The following MPV17L variants were observed in gnomAD, a reference collection of about 807,000 sequenced individuals.
MPV17L encodes the protein mpv17-like protein.
In MPV17L, 24 loss-of-function variants were observed where a neutral mutation model predicts 25.8. That is an observed-to-expected ratio of 0.93 (90% CI 0.67 to 1.31). The LOEUF (loss-of-function observed/expected upper bound fraction) is 1.31. Among genes scored for constraint, MPV17L ranks in the 50% most tolerant of loss-of-function variants. The pLI is 0.00. For synonymous variants in MPV17L, 102 were observed against 115.3 expected, an observed-to-expected ratio of 0.88 and a Z score of 0.74; for missense variants, 250 against 265.6, an observed-to-expected ratio of 0.94 and a Z score of 0.41.
chr16:15,405,668 A>G (rs1285973394), intron 2 of MPV17L, among the ~76,000 whole-genome samples: 1 of 151,434 alleles, frequency 6.6e-6, no homozygotes, highest in Non-Finnish European at 1.5e-5. Flanking sequence ...GCTGGTCTCA[A>G]ACTCACGACT....
At position 15,411,964 on chromosome 16, in the gene MPV17L, T is replaced by C. The variant is rs571660192; in HGVS notation, c.*3852T>C. On this transcript the variant is annotated 3_prime_UTR_variant, in exon 4 of 4. Transcript: ENST00000396385. ...ATTTCCACTGATCACCCTTTAGCTT[T>C]AAATAATGCAGAAGCATATGCCCAG... is the stretch of plus-strand genomic sequence containing the variant. 6.6e-6 allele frequency: 1 copy of C among 152,324 alleles called. No homozygotes were observed. The highest frequency in any genetic ancestry group is 2.1e-4 in the South Asian group (1 of 4,828). The allele number at this position is 152,324 out of a possible 1,614,324, so 9.4% of individuals were successfully genotyped here.
At chr16:15,405,915 A>G (rs2050676805) in intron 2 of MPV17L, among the ~76,000 whole-genome samples, 1 of 149,914 alleles carries the variant, frequency 6.7e-6, no homozygotes, top group Admixed American at 6.7e-5. Flanking sequence ...ATGGCCGGGC[A>G]TGGTGGCTCA....
intron 1 of MPV17L, among the ~76,000 whole-genome samples, chr16:15,399,036 G>C (rs2050611566): frequency 6.6e-6 from 1 of 150,472 alleles, no homozygotes; most frequent in South Asian, 2.2e-4. Context: ...GCTACCTTGG[G>C]GAACCAGAGT....
rs2050716786 is a variant in MPV17L, at chr16:15,409,753, T to G, written c.*1641T>G. The G allele has an allele frequency of 6.6e-6, 1 of 152,240 alleles. No homozygotes were observed. The highest frequency in any genetic ancestry group is 2.1e-4 in the South Asian group (1 of 4,834). The allele number at this position is 152,240 out of a possible 1,614,324, so 9.4% of individuals were successfully genotyped here. On this transcript the variant is annotated 3_prime_UTR_variant, in exon 4 of 4. Coordinates refer to ENST00000396385, the MANE Select transcript of MPV17L (RefSeq NM_001128423.2). ...GTCTCCAACTCCTGGCCTCAACTGATCCACTCTCATTGGCCTCCCAAGGTG... is the reference window on the plus strand; with the variant it reads ...GTCTCCAACTCCTGGCCTCAACTGAGCCACTCTCATTGGCCTCCCAAGGTG...
intron 2 of MPV17L, among the ~76,000 whole-genome samples, chr16:15,401,058 GTA>G (rs548012835): frequency 0.012 from 517 of 44,204 alleles, 57 homozygotes; most frequent in Middle Eastern, 0.067. Context: ...ATGTGTGTGT[GTA>G]TATATATATA....
At chr16:15,401,061 T>TAC (rs2050631410) in intron 2 of MPV17L, among the ~76,000 whole-genome samples, 1 of 39,234 alleles carries the variant, frequency 2.5e-5, no homozygotes, top group African/African-American at 1.1e-4. Context: ...TGTGTGTGTA[T>TAC]ATATATATAT....
At position 15,396,218 on chromosome 16, in the gene MPV17L, G is replaced by A. The variant is rs1477682303; in HGVS notation, c.310+11G>A. The A allele has an allele frequency of 3.9e-6, 6 of 1,547,448 alleles. No homozygotes were observed. The highest frequency in any genetic ancestry group is 2.4e-5 in the East Asian group (1 of 40,960). ...CGGCCTTCTATGTCGGTGAGGGGCC[G>A]GGAGGGGACCTGGGGGGTGGGACCC... On this transcript the variant is annotated intron_variant, in intron 1 of 3. Coordinates refer to ENST00000396385, the MANE Select transcript of MPV17L (RefSeq NM_001128423.2).
chr16:15,407,088 T>A (rs577927290), intron 2 of MPV17L, among the ~76,000 whole-genome samples: 20 of 150,908 alleles, frequency 1.3e-4, no homozygotes, highest in African/African-American at 2.7e-4. Context: ...AAAATTAATT[T>A]AAAAAAAAAG....
intron 1 of MPV17L, among the ~76,000 whole-genome samples, 185 bp from the exon 2 acceptor site, chr16:15,400,602 G>T (rs1347736074): frequency 5.9e-5 from 9 of 151,898 alleles, no homozygotes; most frequent in Admixed American, 5.9e-4. Flanking sequence ...TGCCTGCCTC[G>T]GCCTCCCGTT....
At chr16:15,396,796 C>G (rs1438346372) in intron 1 of MPV17L, among the ~76,000 whole-genome samples, 1 of 152,096 alleles carries the variant, frequency 6.6e-6, no homozygotes, top group Non-Finnish European at 1.5e-5. Flanking sequence ...GCCCAGGGGC[C>G]TAGTCCTGGT....
At position 15,411,529 on chromosome 16, in the gene MPV17L, C is replaced by G. The variant is rs1208794056; in HGVS notation, c.*3417C>G. Reference sequence around the variant, plus strand: ...AGCATGGTGGTGTGAGCCTGTAGTCCCAGCTACTTGGAAGACTCATGCAGG... The same window carrying G: ...AGCATGGTGGTGTGAGCCTGTAGTCGCAGCTACTTGGAAGACTCATGCAGG... On this transcript the variant is annotated 3_prime_UTR_variant, in exon 4 of 4. Transcript: ENST00000396385. 6.6e-6 allele frequency: 1 copy of G among 152,028 alleles called. No individual in the cohort carries two copies. Among genetic ancestry groups the G allele is most frequent in the Non-Finnish European group, 1.5e-5 (1 of 68,034 alleles). 9.4% of individuals were successfully genotyped at this position (152,028 alleles called of 1,614,324 possible). A position where few individuals can be genotyped will look rare whatever the true frequency, so the allele number is the denominator to read the frequency against.
In MPV17L at chr16:15,413,131, T is replaced by A. The variant is rs1183739404; in HGVS notation, c.*5019T>A. 3.3e-5 allele frequency: 5 copies of A among 152,194 alleles called. No homozygotes were observed. Among genetic ancestry groups the A allele is most frequent in the Non-Finnish European group, 7.3e-5 (5 of 68,042 alleles). 9.4% of individuals were successfully genotyped at this position (152,194 alleles called of 1,614,324 possible). A position where few individuals can be genotyped will look rare whatever the true frequency, so the allele number is the denominator to read the frequency against. On this transcript the variant is annotated 3_prime_UTR_variant, in exon 4 of 4. Transcript: ENST00000396385. The stretch of plus-strand genomic sequence containing the variant: ...AGGCAGCTTTCATTTGAAATTAGGT[T>A]CATCTTCTGAGAGTATTAAAAAGTT...
rs2050628117 is a variant in MPV17L, at chr16:15,400,837, AAATTCTGGAATACCTATCTGG to A, written c.362_381+1del. The A allele has an allele frequency of 6.2e-7, 1 of 1,604,788 alleles. No homozygotes were observed. Among genetic ancestry groups the A allele is most frequent in the Non-Finnish European group, 8.5e-7 (1 of 1,175,466 alleles). On this transcript the variant is annotated splice_donor_variant and coding_sequence_variant, in exon 2 of 4. Coordinates refer to ENST00000396385, the MANE Select transcript of MPV17L (RefSeq NM_001128423.2). LOFTEE classifies it high-confidence loss of function. The stretch of plus-strand genomic sequence containing the variant: ...TGACATATTTTTGGACCTGAAACAG[AAATTCTGGAATACCTATCTGG>A]TAAGATAGGCGTTTGAAAATGTAAT...
chr16:15,396,220 G>A lies in MPV17L; in HGVS notation c.310+13G>A. 1.9e-6 allele frequency: 3 copies of A among 1,547,280 alleles called. No homozygotes were observed. Among genetic ancestry groups the A allele is most frequent in the South Asian group, 2.4e-5 (2 of 83,828 alleles). On this transcript the variant is annotated intron_variant, in intron 1 of 3. Transcript: ENST00000396385. Reference sequence around the variant, plus strand: ...GCCTTCTATGTCGGTGAGGGGCCGGGAGGGGACCTGGGGGGTGGGACCCAG... The same window carrying A: ...GCCTTCTATGTCGGTGAGGGGCCGGAAGGGGACCTGGGGGGTGGGACCCAG...
intron 2 of MPV17L, among the ~76,000 whole-genome samples, chr16:15,403,221 T>C (rs1268601518): frequency 6.6e-6 from 1 of 151,544 alleles, no homozygotes; most frequent in African/African-American, 2.4e-5. Context: ...TACAACAAAT[T>C]AGCAGGGCAT....
rs1371794897 is a variant in MPV17L at position 15,410,681 on chromosome 16, G to C, written c.*2569G>C. The C allele has an allele frequency of 6.6e-6, 1 of 152,136 alleles. No homozygotes were observed. Among genetic ancestry groups the C allele is most frequent in the Non-Finnish European group, 1.5e-5 (1 of 68,032 alleles). The allele number at this position is 152,136 out of a possible 1,614,324, so 9.4% of individuals were successfully genotyped here. ...ATTTATCCTGAGAATGTATATTTAA[G>C]CTTAATTTAAGACTATATACCTAAA... On this transcript the variant is annotated 3_prime_UTR_variant, in exon 4 of 4. Transcript: ENST00000396385.
rs889508490 is a variant in MPV17L at position 15,408,116 on chromosome 16, G to A, written c.*4G>A. 3.8e-6 allele frequency: 6 copies of A among 1,582,364 alleles called. No individual in the cohort carries two copies. The African/African-American group carries it at 8.1e-5, about 21-fold the overall frequency. On this transcript the variant is annotated 3_prime_UTR_variant, in exon 4 of 4. Transcript: ENST00000396385. ...AGAAGGGTACCCGAAGAAATGAGAA[G>A]TCAAGGACTCTCTTAAAGGGACCAC... is the stretch of plus-strand genomic sequence containing the variant.
chr16:15,407,484 T>C (rs62039098), intron 2 of MPV17L, among the ~76,000 whole-genome samples: 5,770 of 141,770 alleles, frequency 0.041, 174 homozygotes, highest in African/African-American at 0.083. Context: ...GGCTCACACC[T>C]GTAATCCCAG....
In MPV17L at chr16:15,408,576, C is replaced by T. The variant is rs572223265; in HGVS notation, c.*464C>T. Reference sequence around the variant, plus strand: ...ACCAGATTTCTTTCTCCAAAACATACACAATTTGTTATTTTAGTAAATACC... The same window carrying T: ...ACCAGATTTCTTTCTCCAAAACATATACAATTTGTTATTTTAGTAAATACC... On this transcript the variant is annotated 3_prime_UTR_variant, in exon 4 of 4. Transcript: ENST00000396385. 1.3e-5 allele frequency: 2 copies of T among 149,944 alleles called. No homozygotes were observed. The highest frequency in any genetic ancestry group is 3.9e-4 in the East Asian group (2 of 5,140). 9.3% of individuals were successfully genotyped at this position (149,944 alleles called of 1,614,324 possible).
Sources: gnomAD v4.1 joint callset for allele counts (sites outside exome capture counted in the v4.1 genomes callset) on GRCh38, gnomAD v4.1.1 for gene constraint, MANE v1.5 for transcripts, NCBI Gene and HGNC (gene_info 2026-07-23, HGNC 2026-07-21) for gene names.